Variants in LRRTM4 observed in about 807,000 individuals in gnomAD.
The protein encoded by LRRTM4 is leucine-rich repeat transmembrane neuronal protein 4.
LRRTM4 carries 25 observed loss-of-function variants against 47.6 expected under a neutral mutation model. The observed-to-expected ratio is 0.53, with a 90% CI of 0.38 to 0.73. The LOEUF is 0.73. Among genes scored for constraint, LRRTM4 ranks in the 30% least tolerant of loss-of-function variants. The pLI is 0.00. For synonymous variants in LRRTM4, 311 were observed against 269.5 expected, an observed-to-expected ratio of 1.15 and a Z score of -1.51; for missense variants, 638 against 713.4, an observed-to-expected ratio of 0.89 and a Z score of 1.20.
intron 3 of LRRTM4, among the ~76,000 whole-genome samples, chr2:77,207,867 T>C (rs1323383126): frequency 1.7e-5 from 1 of 57,400 alleles, no homozygotes; most frequent in Non-Finnish European, 3.1e-5. Context: ...GGAAAGTGGC[T>C]TTTTTTTTTT....
intron 3 of LRRTM4, among the ~76,000 whole-genome samples, chr2:76,894,655 C>A (rs1192371822): frequency 6.6e-6 from 1 of 151,832 alleles, no homozygotes; most frequent in Non-Finnish European, 1.5e-5. Flanking sequence ...ACAAATAAAG[C>A]CACTATTAGA....
intron 3 of LRRTM4, among the ~76,000 whole-genome samples, chr2:77,358,692 A>G (rs1010503262): frequency 2.0e-5 from 3 of 152,332 alleles, no homozygotes; most frequent in Non-Finnish European, 2.9e-5. Flanking sequence ...GACATTTCTG[A>G]TATATCATCC....
rs1306222186 is a variant in LRRTM4, at chr2:77,518,474, C to G, written c.1395G>C (p.Arg465Ser). 6.2e-7 allele frequency: 1 copy of G among 1,613,282 alleles called. No individual in the cohort carries two copies. The highest frequency in any genetic ancestry group is 8.5e-7 in the Non-Finnish European group (1 of 1,179,634). Residue 465 changes from arginine (R) to serine (S), a missense_variant, in exon 3 of 4, where the codon AGG (arginine) becomes AGC (serine). By Grantham distance (110) the Arg-to-Ser change is moderately radical (BLOSUM62 -1). Coordinates refer to ENST00000409884, the MANE Select transcript of LRRTM4 (RefSeq NM_001134745.3). Reference protein sequence around the residue: ...KQLQQHSLMKRRRKKARESER... With the variant: ...KQLQQHSLMKSRRKKARESER... ...CAGACTCTCTGGCCTTTTTCCGCCGCCTCTTCATAAGAGAGTGTTGCTGGA... is the reference window on the plus strand; with the variant it reads ...CAGACTCTCTGGCCTTTTTCCGCCGGCTCTTCATAAGAGAGTGTTGCTGGA...
chr2:77,282,868 T>A (rs1019814012), intron 3 of LRRTM4, among the ~76,000 whole-genome samples: 2 of 151,988 alleles, frequency 1.3e-5, no homozygotes, highest in Admixed American at 1.3e-4. Flanking sequence ...GATTTAAATG[T>A]AAGACCTCGA....
chr2:77,340,849 A>G (rs2104274889), intron 3 of LRRTM4, among the ~76,000 whole-genome samples: 2 of 152,128 alleles, frequency 1.3e-5, no homozygotes, highest in East Asian at 3.9e-4. Flanking sequence ...TTCAAAGTAA[A>G]GAAGATGTTT....
chr2:77,386,672 GC>G (rs1325531622), intron 3 of LRRTM4, among the ~76,000 whole-genome samples: 8 of 152,032 alleles, frequency 5.3e-5, no homozygotes, highest in African/African-American at 1.2e-4. Flanking sequence ...TTGAGGAATC[GC>G]CACACTGTCT....
chr2:77,171,416 A>G (rs1235109346), intron 3 of LRRTM4, among the ~76,000 whole-genome samples: 1 of 151,988 alleles, frequency 6.6e-6, no homozygotes, highest in East Asian at 1.9e-4. Context: ...AGCTGGGATT[A>G]CAAGAGGCCG....
At chr2:77,446,775 T>G (rs1428100866) in intron 3 of LRRTM4, among the ~76,000 whole-genome samples, 3 of 152,066 alleles carry the variant, frequency 2.0e-5, no homozygotes, top group African/African-American at 7.2e-5. Context: ...CCCCTAAGAC[T>G]ACTCTGGCCA....
chr2:77,007,153 A>AAT lies in LRRTM4; in HGVS notation c.1552-258239_1552-258238dup, dbSNP rs1252517594. 3.0e-3 allele frequency among the ~76,000 whole-genome samples: 453 copies of AAT among 151,302 alleles called. 4 individuals carry two copies. The highest frequency in any genetic ancestry group is 8.6e-3 in the African/African-American group (352 of 41,078). On this transcript the variant is annotated intron_variant, in intron 3 of 3. Coordinates refer to ENST00000409884, the MANE Select transcript of LRRTM4 (RefSeq NM_001134745.3). ...AATTTTCCTGTAATAAATAAAGAGGAATATATATATATACACACACACACA... is the reference window on the plus strand; with the variant it reads ...AATTTTCCTGTAATAAATAAAGAGGAATATATATATATATACACACACACACA...
chr2:77,156,912 T>A (rs1332574571), intron 3 of LRRTM4, among the ~76,000 whole-genome samples: 3 of 151,492 alleles, frequency 2.0e-5, no homozygotes, highest in Non-Finnish European at 4.4e-5. Flanking sequence ...TTTCTCAAGG[T>A]GTTTAGTGGG....
At chr2:77,380,332 C>A (rs1673001319) in intron 3 of LRRTM4, among the ~76,000 whole-genome samples, 1 of 152,084 alleles carries the variant, frequency 6.6e-6, no homozygotes. Flanking sequence ...CTTTTGAGGA[C>A]AATTTGGCAA....
chr2:77,210,197 T>A (rs1202216774), intron 3 of LRRTM4, among the ~76,000 whole-genome samples: 1 of 152,202 alleles, frequency 6.6e-6, no homozygotes. Flanking sequence ...TTGTACCTGA[T>A]CATGTCTGGG....
chr2:76,979,488 A>T (rs1676524709), intron 3 of LRRTM4, among the ~76,000 whole-genome samples: 1 of 148,650 alleles, frequency 6.7e-6, no homozygotes, highest in African/African-American at 2.5e-5. Context: ...GAGCAGAGAT[A>T]CGTGACAGCA....
In LRRTM4 at chr2:77,521,753, A is replaced by G; in HGVS notation, c.-82T>C. 6.7e-7 allele frequency: 1 copy of G among 1,495,396 alleles called. No individual in the cohort carries two copies. The highest frequency in any genetic ancestry group is 9.3e-7 in the Non-Finnish European group (1 of 1,076,174). 92.6% of individuals were successfully genotyped at this position (1,495,396 alleles called of 1,614,324 possible). On this transcript the variant is annotated 5_prime_UTR_variant, in exon 2 of 4. An upstream start codon of the reference 5' UTR is lost. Transcript: ENST00000409884. The stretch of plus-strand genomic sequence containing the variant: ...TTGTGCGGAAACCACCACCACCTTC[A>G]TGACACAGTGCGGCTGTCATTCACA...
intron 3 of LRRTM4, among the ~76,000 whole-genome samples, chr2:77,001,292 A>T (rs1013853534): frequency 2.0e-5 from 3 of 152,036 alleles, no homozygotes; most frequent in Non-Finnish European, 4.4e-5. Flanking sequence ...GTGAATTCTG[A>T]TTATTGTTTT....
At chr2:76,995,847 C>T (rs1373523625) in intron 3 of LRRTM4, among the ~76,000 whole-genome samples, 4 of 152,010 alleles carry the variant, frequency 2.6e-5, no homozygotes, top group Admixed American at 1.3e-4. Context: ...AATATATGCC[C>T]ATGCATACAC....
chr2:77,144,822 C>CACCTCTGA (rs1220823682), intron 3 of LRRTM4, among the ~76,000 whole-genome samples: 1 of 152,036 alleles, frequency 6.6e-6, no homozygotes, highest in Non-Finnish European at 1.5e-5. Flanking sequence ...TAAAACAAGA[C>CACCTCTGA]ACCTCTGAAC....
At chr2:77,453,690 C>T (rs563072024) in intron 3 of LRRTM4, among the ~76,000 whole-genome samples, 12 of 151,898 alleles carry the variant, frequency 7.9e-5, no homozygotes, top group Non-Finnish European at 1.2e-4. Context: ...TTTAGCTAGT[C>T]AATATTTCTT....
chr2:76,910,347 G>T (rs1384362099), intron 3 of LRRTM4, among the ~76,000 whole-genome samples: 4 of 131,772 alleles, frequency 3.0e-5, no homozygotes, highest in African/African-American at 8.4e-5. Context: ...GGACTGTTGT[G>T]GGGTGGGGGG....
Sources: allele counts gnomAD v4.1 joint callset (sites outside exome capture counted in the v4.1 genomes callset), GRCh38; gene constraint gnomAD v4.1.1; transcripts MANE v1.5; gene names NCBI Gene and HGNC (gene_info 2026-07-23, HGNC 2026-07-21).